DDAH1: variants seen among roughly 807,000 people sequenced by gnomAD.
The protein encoded by DDAH1 is dimethylarginine dimethylaminohydrolase 1.
In DDAH1, 19 loss-of-function variants were observed where a neutral mutation model predicts 28.8. The observed-to-expected ratio is 0.66, with a 90% CI of 0.46 to 0.97. DDAH1 has a LOEUF of 0.97. Ranked by LOEUF, DDAH1 falls within the 50% of genes least tolerant of loss-of-function variation. DDAH1 has a pLI of 0.00. For synonymous variants in DDAH1, 153 were observed against 154.4 expected (o/e 0.99, Z 0.07); for missense variants, 326 against 375.9 (o/e 0.87, Z 1.10).
chr1:85,413,947 TTTAGATATTG>T (rs1358971032), intron 1 of DDAH1, among the ~76,000 whole-genome samples: 2 of 152,360 alleles, frequency 1.3e-5, no homozygotes, highest in East Asian at 3.9e-4. Flanking sequence ...CTCTACAGAT[TTTAGATATTG>T]TTTAAAACAA....
intron 1 of DDAH1, among the ~76,000 whole-genome samples, chr1:85,535,386 G>T (rs867996515): frequency 2.6e-3 from 326 of 124,302 alleles, no homozygotes; most frequent in Non-Finnish European, 4.8e-3. Flanking sequence ...CCTAAATCCC[G>T]CACGTTCTAG....
chr1:85,503,142 T>C (rs781315258), intron 1 of DDAH1, among the ~76,000 whole-genome samples: 2 of 152,234 alleles, frequency 1.3e-5, no homozygotes, highest in African/African-American at 2.4e-5. Flanking sequence ...TTTTGTTTGA[T>C]AAGAGTTCCT....
chr1:85,442,362 C>A (rs561597499), intron 1 of DDAH1, among the ~76,000 whole-genome samples: 10 of 152,208 alleles, frequency 6.6e-5, no homozygotes, highest in Admixed American at 6.5e-4. Context: ...ATGAACTCAT[C>A]CTTTTTTATG....
intron 1 of DDAH1, among the ~76,000 whole-genome samples, chr1:85,401,795 A>C (rs1347717530): frequency 2.0e-5 from 3 of 151,962 alleles, no homozygotes; most frequent in African/African-American, 7.2e-5. Context: ...GAGCCACTGC[A>C]CCTGACTAAG....
chr1:85,442,702 CTT>C (rs1249740037), intron 1 of DDAH1, among the ~76,000 whole-genome samples: 3 of 152,148 alleles, frequency 2.0e-5, no homozygotes, highest in Admixed American at 2.0e-4. Flanking sequence ...TGTTTCCTGA[CTT>C]TTTAATGATT....
chr1:85,415,819 T>C (rs1652863822), intron 1 of DDAH1, among the ~76,000 whole-genome samples: 1 of 152,212 alleles, frequency 6.6e-6, no homozygotes, highest in Non-Finnish European at 1.5e-5. Context: ...ATTTTTTAAA[T>C]CTGTGTAATA....
chr1:85,411,483 C>A (rs1249167039), intron 1 of DDAH1, among the ~76,000 whole-genome samples: 2 of 151,920 alleles, frequency 1.3e-5, no homozygotes, highest in African/African-American at 2.4e-5. Flanking sequence ...TGTTCACTAC[C>A]ATGCTGTGCT....
chr1:85,357,284 G>C (rs536824331), intron 2 of DDAH1, among the ~76,000 whole-genome samples: 1 of 152,250 alleles, frequency 6.6e-6, no homozygotes, highest in Non-Finnish European at 1.5e-5. Flanking sequence ...AAACCCCAGA[G>C]ATGGACCACT....
intron 1 of DDAH1, among the ~76,000 whole-genome samples, chr1:85,577,512 T>G (rs983987741): frequency 3.3e-5 from 5 of 152,230 alleles, no homozygotes; most frequent in Admixed American, 6.5e-5. Context: ...GGCACTCCGG[T>G]CGTCCAGGGC....
chr1:85,370,772 A>C (rs1478737823), intron 1 of DDAH1, among the ~76,000 whole-genome samples: 1 of 152,138 alleles, frequency 6.6e-6, no homozygotes, highest in African/African-American at 2.4e-5. Context: ...AATTGAGTGG[A>C]TAGGTGTACT....
intron 4 of DDAH1, among the ~76,000 whole-genome samples, chr1:85,349,636 T>G (rs1322072521): frequency 6.6e-6 from 1 of 152,198 alleles, no homozygotes; most frequent in Non-Finnish European, 1.5e-5. Context: ...CTCTCATTCA[T>G]TTATCCATCC....
chr1:85,392,969 C>CAGTTTCCA (rs751138498), intron 1 of DDAH1, among the ~76,000 whole-genome samples: 18 of 152,118 alleles, frequency 1.2e-4, no homozygotes, highest in Non-Finnish European at 2.5e-4. Flanking sequence ...AAAAGTCCTG[C>CAGTTTCCA]AGTTTCCAAA....
chr1:85,545,585 T>C (rs1452393888), intron 1 of DDAH1, among the ~76,000 whole-genome samples: 2 of 152,314 alleles, frequency 1.3e-5, no homozygotes, highest in South Asian at 2.1e-4. Flanking sequence ...CAGCTCTGCA[T>C]TTGGAAAGAG....
chr1:85,358,037 G>T (rs566438679), intron 2 of DDAH1, among the ~76,000 whole-genome samples: 7 of 152,298 alleles, frequency 4.6e-5, no homozygotes, highest in African/African-American at 1.7e-4. Context: ...TGGAAAGAAA[G>T]TTATTTGTAA....
intron 1 of DDAH1, among the ~76,000 whole-genome samples, chr1:85,363,149 T>C (rs1649880889): frequency 6.6e-6 from 1 of 152,240 alleles, no homozygotes. Context: ...AATGCCCCTT[T>C]TGAATGTTTC....
intron 1 of DDAH1, among the ~76,000 whole-genome samples, chr1:85,441,539 C>CAAAAA (rs10677714): frequency 3.6e-4 from 54 of 151,056 alleles, no homozygotes; most frequent in African/African-American, 5.3e-4. Context: ...GACCCCATCT[C>CAAAAA]AAAAAAGAAA....
chr1:85,352,954 C>T (rs1308063003), intron 2 of DDAH1, among the ~76,000 whole-genome samples: 1 of 151,330 alleles, frequency 6.6e-6, no homozygotes, highest in Non-Finnish European at 1.5e-5. Flanking sequence ...AAAATGATCA[C>T]GTGAGGCCTG....
At chr1:85,418,891 A>G (rs2100610084) in intron 1 of DDAH1, among the ~76,000 whole-genome samples, 1 of 152,286 alleles carries the variant, frequency 6.6e-6, no homozygotes, top group Non-Finnish European at 1.5e-5. Flanking sequence ...AGGAGAAGCC[A>G]GTCATATCTC....
At chr1:85,350,629 C>A (rs1037590925) in intron 3 of DDAH1, 95 bp from the exon 4 acceptor site, 2 of 1,382,618 alleles carry the variant, frequency 1.4e-6, no homozygotes, top group Non-Finnish European at 1.9e-6. Context: ...TTCTTGAAGG[C>A]TGACAGGGAC....
Sources: gnomAD v4.1 joint callset for allele counts (sites outside exome capture counted in the v4.1 genomes callset) on GRCh38, gnomAD v4.1.1 for gene constraint, MANE v1.5 for transcripts, NCBI Gene and HGNC (gene_info 2026-07-23, HGNC 2026-07-21) for gene names.